RBFOX2: variants seen among roughly 807,000 people sequenced by gnomAD.
The protein encoded by RBFOX2 is RNA binding fox-1 homolog 2.
A neutral mutation model predicts 49.1 loss-of-function variants in RBFOX2; 10 were observed. The observed-to-expected ratio is 0.20, with a 90% confidence interval of 0.13 to 0.35. The LOEUF (loss-of-function observed/expected upper bound fraction) is 0.35, where lower values mean the gene tolerates loss of function less well. RBFOX2 is among the 10% of genes least tolerant of loss of function. The pLI, the probability that RBFOX2 is intolerant of heterozygous loss-of-function variation, is 1.00. For synonymous variants in RBFOX2, 183 were observed against 187.4 expected (o/e 0.98, Z 0.19); for missense variants, 323 against 486.9 (o/e 0.66, Z 3.17).
intron 1 of RBFOX2, among the ~76,000 whole-genome samples, chr22:35,934,868 CACAA>C (rs1229585307): frequency 2.0e-5 from 3 of 152,170 alleles, no homozygotes; most frequent in African/African-American, 4.8e-5. Flanking sequence ...ATGCACAAAT[CACAA>C]ACAGTCAACT....
chr22:35,996,319 A>G (rs2058188202), intron 1 of RBFOX2: 1 of 152,264 alleles, frequency 6.6e-6, no homozygotes, highest in Admixed American at 6.5e-5. Flanking sequence ...TATCTTAAAA[A>G]AAATATCTGT....
intron 1 of RBFOX2, among the ~76,000 whole-genome samples, chr22:35,862,872 C>T (rs949551496): frequency 2.0e-5 from 3 of 152,184 alleles, no homozygotes; most frequent in African/African-American, 7.2e-5. Flanking sequence ...TATGAATAGG[C>T]CTGGCATATA....
In RBFOX2 at chr22:35,884,590, C is replaced by T. The variant is rs549918684; in HGVS notation, c.-34+54257G>A. Among the ~76,000 whole-genome samples the T allele has an allele frequency of 3.9e-5, 6 of 152,236 alleles. No homozygotes were observed. The South Asian group carries it at 6.2e-4, about 16-fold the overall frequency. On this transcript the variant is annotated intron_variant, in intron 1 of 13. Transcript: ENST00000359369. ...ACAAGGCTACTTAACAGTGTAGGGG[C>T]TCTGAGAGAAAGGTAGAGAGGGCAA...
chr22:35,746,344 G>T, intron 10 of RBFOX2, 129 bp downstream of exon 12: 1 of 848,902 alleles, frequency 1.2e-6, no homozygotes, highest in Non-Finnish European at 1.8e-6. Context: ...TCTGCAGAAA[G>T]CCCAGGCTGG....
At chr22:35,996,296 G>T (rs2058186652) in intron 1 of RBFOX2, 1 of 152,086 alleles carries the variant, frequency 6.6e-6, no homozygotes, top group African/African-American at 2.4e-5. Flanking sequence ...AATCCAACAG[G>T]TGAGGAAAGA....
At chr22:35,900,911 G>T (rs1234115720) in intron 1 of RBFOX2, among the ~76,000 whole-genome samples, 1 of 152,204 alleles carries the variant, frequency 6.6e-6, no homozygotes, top group Admixed American at 6.5e-5. Context: ...ATGGGAGAAG[G>T]CGTAGATATG....
intron 1 of RBFOX2, 93 bp downstream of exon 2, chr22:35,938,754 A>T (rs2053381082): frequency 8.2e-7 from 1 of 1,212,260 alleles, no homozygotes; most frequent in African/African-American, 1.5e-5. Context: ...TTTCAAAGTA[A>T]GTAATTTCAG....
In RBFOX2 at chr22:35,749,820, C is replaced by T. The variant is rs1934238396; in HGVS notation, c.888-3259G>A. Among the ~76,000 whole-genome samples, 1 of 151,998 alleles carries T rather than the reference C, an allele frequency of 6.6e-6. No individual in the cohort carries two copies. Among genetic ancestry groups the T allele is most frequent in the African/African-American group, 2.4e-5 (1 of 41,372 alleles). On this transcript the variant is annotated intron_variant, in intron 9 of 11. Transcript: ENST00000405409. The surrounding 1 kb of genome is among the most constrained non-coding windows in gnomAD (Gnocchi z 4.1). ...GGAGGTAGAAGAGACAGGGTTCAGG[C>T]GTGGGGAGGGATATGGCGCCACATT...
chr22:35,749,296 C>T lies in RBFOX2; in HGVS notation c.888-2735G>A, dbSNP rs943934345. Among the ~76,000 whole-genome samples, 17 of 152,056 alleles carry T rather than the reference C, an allele frequency of 1.1e-4. No individual in the cohort carries two copies. Among genetic ancestry groups the T allele is most frequent in the Non-Finnish European group, 2.4e-4 (16 of 67,994 alleles). On this transcript the variant is annotated intron_variant, in intron 9 of 11. Transcript: ENST00000405409. This position sits in a 1 kb window ranked among gnomAD's most constrained non-coding sequence, Gnocchi z 4.1. Reference sequence around the variant, plus strand: ...AGAATATCAGCACTAAGAAAAAACACATGAAGAGTTTTTTTTAAAGCAGAT... The same window carrying T: ...AGAATATCAGCACTAAGAAAAAACATATGAAGAGTTTTTTTTAAAGCAGAT...
chr22:35,896,329 G>C (rs150257015), intron 1 of RBFOX2, among the ~76,000 whole-genome samples: 15 of 151,982 alleles, frequency 9.9e-5, no homozygotes, highest in African/African-American at 3.6e-4. Flanking sequence ...ATTCTCAAAC[G>C]GTAACAGGTT....
At chr22:35,998,171 TTATA>T (rs2058267649) in intron 1 of RBFOX2, 1 of 152,184 alleles carries the variant, frequency 6.6e-6, no homozygotes, top group South Asian at 2.1e-4. Flanking sequence ...CAATTTTATA[TTATA>T]TATAGTTTTA....
intron 1 of RBFOX2, among the ~76,000 whole-genome samples, chr22:35,823,979 C>T (rs1955090508): frequency 6.6e-6 from 1 of 152,048 alleles, no homozygotes; most frequent in African/African-American, 2.4e-5. Context: ...GAAACCCCAT[C>T]TCTACTAAAG....
chr22:35,837,495 A>G (rs544011445), intron 1 of RBFOX2, among the ~76,000 whole-genome samples: 1 of 140,556 alleles, frequency 7.1e-6, no homozygotes, highest in South Asian at 2.1e-4. Flanking sequence ...TCAAACACAC[A>G]CACACACACA....
At chr22:35,861,374 G>A (rs751254614) in intron 1 of RBFOX2, among the ~76,000 whole-genome samples, 1 of 152,082 alleles carries the variant, frequency 6.6e-6, no homozygotes, top group Admixed American at 6.6e-5. Context: ...CCACAACTGA[G>A]AGAAAATGCT....
intron 1 of RBFOX2, among the ~76,000 whole-genome samples, chr22:35,831,893 AG>A (rs1362391435): frequency 1.3e-5 from 2 of 152,236 alleles, no homozygotes; most frequent in Non-Finnish European, 2.9e-5. Flanking sequence ...GTAACCTTTG[AG>A]GGATCAGGGC....
intron 1 of RBFOX2, chr22:35,897,397 T>G: frequency 2.0e-6 from 2 of 1,022,668 alleles, no homozygotes; most frequent in Non-Finnish European, 3.1e-6. Context: ...TCTTCTAAGC[T>G]GGGCAGGTGA....
intron 1 of RBFOX2, among the ~76,000 whole-genome samples, chr22:36,005,610 A>C (rs2058590959): frequency 6.6e-6 from 1 of 152,206 alleles, no homozygotes; most frequent in Non-Finnish European, 1.5e-5. Context: ...TCCCATTTTC[A>C]CCTAACCCTA....
intron 1 of RBFOX2, among the ~76,000 whole-genome samples, chr22:35,829,185 C>T (rs561430974): frequency 6.6e-6 from 1 of 152,146 alleles, no homozygotes; most frequent in African/African-American, 2.4e-5. Flanking sequence ...TAGAACCCAA[C>T]AAGATAAAAT....
At chr22:35,911,147 A>G (rs2049776749) in intron 1 of RBFOX2, among the ~76,000 whole-genome samples, 2 of 152,158 alleles carry the variant, frequency 1.3e-5, no homozygotes, top group African/African-American at 4.8e-5. Context: ...TCTGGTCTCT[A>G]ATAATGTCCC....
Sources: allele counts gnomAD v4.1 joint callset (sites outside exome capture counted in the v4.1 genomes callset), GRCh38; gene constraint gnomAD v4.1.1; non-coding constraint Gnocchi (gnomAD v3.1); transcripts MANE v1.5; gene names NCBI Gene and HGNC (gene_info 2026-07-23, HGNC 2026-07-21).